The following EIF2S1 variants were observed in gnomAD, a reference collection of about 807,000 sequenced individuals.
EIF2S1 encodes the protein eukaryotic translation initiation factor 2 subunit alpha.
A neutral mutation model predicts 33.5 loss-of-function variants in EIF2S1; 5 were observed. The observed-to-expected ratio is 0.15, with a 90% CI of 0.08 to 0.31. The LOEUF (loss-of-function observed/expected upper bound fraction) is 0.31. Among genes scored for constraint, EIF2S1 ranks in the 10% least tolerant of loss-of-function variants. EIF2S1 has a pLI of 1.00. For synonymous variants in EIF2S1, 99 were observed against 127.5 expected (o/e 0.78, Z 1.51); for missense variants, 191 against 384.6 (o/e 0.50, Z 4.21).
Position 67,363,504 on chromosome 14 carries a change from T to G in EIF2S1, c.-1-1263T>G, listed in dbSNP as rs1260947327. On this transcript the variant is annotated intron_variant, in intron 1 of 7. Transcript: ENST00000256383. ...AATTATAATATATTTATGAATAGTTTTGAGAGAATATAGTCTTACTGATAA... is the reference window on the plus strand; with the variant it reads ...AATTATAATATATTTATGAATAGTTGTGAGAGAATATAGTCTTACTGATAA... 3.3e-5 allele frequency among the ~76,000 whole-genome samples: 5 copies of G among 152,176 alleles called. No individual in the cohort carries two copies. The East Asian group carries it at 9.6e-4, about 29-fold the overall frequency.
At chr14:67,378,715 C>G (rs1360944767) in intron 4 of EIF2S1, among the ~76,000 whole-genome samples, 1 of 152,222 alleles carries the variant, frequency 6.6e-6, no homozygotes, top group Non-Finnish European at 1.5e-5. Flanking sequence ...GTGTGTTATT[C>G]CCTTTTCCTT....
intron 2 of EIF2S1, among the ~76,000 whole-genome samples, chr14:67,371,458 G>A (rs1387936634): frequency 1.3e-5 from 2 of 151,654 alleles, no homozygotes; most frequent in Non-Finnish European, 2.9e-5. Flanking sequence ...GAACACTTTC[G>A]AAATACAGTC....
chr14:67,383,622 A>C lies in EIF2S1; in HGVS notation c.*182A>C. On this transcript the variant is annotated 3_prime_UTR_variant, in exon 8 of 8. Coordinates refer to ENST00000256383, the MANE Select transcript of EIF2S1 (RefSeq NM_004094.5). ...CCTCCTAAATGTCAGCTGTTGTCAC[A>C]CAGTAGCTCCAACACTTTGAGCATT... 1 of 776,046 alleles carries C rather than the reference A, an allele frequency of 1.3e-6. No homozygotes were observed. Among genetic ancestry groups the C allele is most frequent in the Non-Finnish European group, 2.0e-6 (1 of 494,674 alleles). 48.1% of individuals were successfully genotyped at this position (776,046 alleles called of 1,614,324 possible).
chr14:67,385,059 T>C lies in EIF2S1; in HGVS notation c.*1619T>C, dbSNP rs1195388024. On this transcript the variant is annotated 3_prime_UTR_variant, in exon 8 of 8. Transcript: ENST00000256383. ...TACTGGTGGCGTCGATGGTGAGTGA[T>C]TTTTATCCCACGTGGGCCTTTTGCT... The C allele has an allele frequency of 6.6e-6, 1 of 152,096 alleles. No individual in the cohort carries two copies. The highest frequency in any genetic ancestry group is 1.5e-5 in the Non-Finnish European group (1 of 68,004). The allele number at this position is 152,096 out of a possible 1,614,324, so 9.4% of individuals were successfully genotyped here. A position where few individuals can be genotyped will look rare whatever the true frequency, so the allele number is the denominator to read the frequency against.
chr14:67,370,150 C>T (rs1374731861), intron 2 of EIF2S1, among the ~76,000 whole-genome samples: 1 of 152,242 alleles, frequency 6.6e-6, no homozygotes, highest in Non-Finnish European at 1.5e-5. Context: ...CTTAAGAATG[C>T]CTTTAAGCAG....
In EIF2S1 at chr14:67,382,083, G is replaced by A. The variant is rs1208595460; in HGVS notation, c.679-364G>A. ...TAGTGATAAAATTAACTGGATGGCT[G>A]TAACTCAGAAGGATTCTTCCATCAG... On this transcript the variant is annotated intron_variant, in intron 6 of 7. Transcript: ENST00000256383. 3.9e-5 allele frequency among the ~76,000 whole-genome samples: 6 copies of A among 152,144 alleles called. 1 individual carries two copies. The highest frequency in any genetic ancestry group is 3.9e-4 in the Admixed American group (6 of 15,292).
At chr14:67,375,122 A>G (rs1231423625) in intron 3 of EIF2S1, among the ~76,000 whole-genome samples, 5 of 152,128 alleles carry the variant, frequency 3.3e-5, no homozygotes, top group African/African-American at 9.7e-5. Context: ...CCTGCTTGTC[A>G]TCCACAGTAA....
At chr14:67,375,790 AGACT>A (rs2085854765) in intron 3 of EIF2S1, among the ~76,000 whole-genome samples, 1 of 152,206 alleles carries the variant, frequency 6.6e-6, no homozygotes, top group South Asian at 2.1e-4. Context: ...TTAGAAATAC[AGACT>A]CTCAGGTCCT....
intron 3 of EIF2S1, among the ~76,000 whole-genome samples, chr14:67,375,399 G>A (rs2085852162): frequency 6.6e-6 from 1 of 152,118 alleles, no homozygotes; most frequent in Non-Finnish European, 1.5e-5. Context: ...TGAGATTACA[G>A]GCGTAAGCCA....
chr14:67,366,791 A>G (rs1004122934), intron 2 of EIF2S1, among the ~76,000 whole-genome samples: 2 of 151,354 alleles, frequency 1.3e-5, no homozygotes, highest in Non-Finnish European at 2.9e-5. Context: ...AAGCAGCCAA[A>G]AGCAGGCCAA....
At chr14:67,383,009 T>C (rs1222955744) in intron 7 of EIF2S1, among the ~76,000 whole-genome samples, 1 of 152,120 alleles carries the variant, frequency 6.6e-6, no homozygotes, top group Non-Finnish European at 1.5e-5. Context: ...TAACAGGATA[T>C]CTATTTGTGG....
At chr14:67,380,202 CTTAGGAGGGTCAG>C (rs2085880579) in intron 4 of EIF2S1, among the ~76,000 whole-genome samples, 2 of 152,220 alleles carry the variant, frequency 1.3e-5, no homozygotes, top group African/African-American at 4.8e-5. Context: ...TCCTGTGGCA[CTTAGGAGGGTCAG>C]ATGAAATGCT....
chr14:67,378,860 C>T (rs1179540316), intron 4 of EIF2S1, among the ~76,000 whole-genome samples: 1 of 152,200 alleles, frequency 6.6e-6, no homozygotes, highest in Non-Finnish European at 1.5e-5. Context: ...GACCTATTTT[C>T]CTCACTTATC....
chr14:67,368,367 G>C (rs997645378), intron 2 of EIF2S1, among the ~76,000 whole-genome samples: 64 of 152,134 alleles, frequency 4.2e-4, no homozygotes, highest in Non-Finnish European at 6.3e-4. Context: ...GCATAAGAAA[G>C]GCATGCTACC....
rs954633345 is a variant in EIF2S1 at position 67,386,274 on chromosome 14, G to A, written c.*2834G>A. 5.2e-5 allele frequency: 8 copies of A among 152,634 alleles called. No homozygotes were observed. The highest frequency in any genetic ancestry group is 1.7e-4 in the African/African-American group (7 of 41,458). 9.5% of individuals were successfully genotyped at this position (152,634 alleles called of 1,614,324 possible). ...TAAGGAATAAGTAAAACATTAGCTT[G>A]TGATTTCTCATTATTCAGGTCAATG... On this transcript the variant is annotated 3_prime_UTR_variant, in exon 8 of 8. Transcript: ENST00000256383.
In EIF2S1 at chr14:67,386,011, A is replaced by T. The variant is rs1032886193; in HGVS notation, c.*2571A>T. 1 of 152,102 alleles carries T rather than the reference A, an allele frequency of 6.6e-6. No individual in the cohort carries two copies. The highest frequency in any genetic ancestry group is 1.5e-5 in the Non-Finnish European group (1 of 68,008). 9.4% of individuals were successfully genotyped at this position (152,102 alleles called of 1,614,324 possible). A position where few individuals can be genotyped will look rare whatever the true frequency, so the allele number is the denominator to read the frequency against. On this transcript the variant is annotated 3_prime_UTR_variant, in exon 8 of 8. Coordinates refer to ENST00000256383, the MANE Select transcript of EIF2S1 (RefSeq NM_004094.5). ...GAGACTTGTTCACTGATTTGCCCCA[A>T]CCCCAAGGTAATGGTCATCTACTTT...
At chr14:67,380,880 A>G (rs2085884382) in intron 5 of EIF2S1, 115 bp downstream of exon 5, 3 of 506,524 alleles carry the variant, frequency 5.9e-6, no homozygotes, top group Non-Finnish European at 6.6e-6. Flanking sequence ...ATTTTTCTAA[A>G]TGGTTGTTTT....
At chr14:67,375,280 G>A (rs2085851023) in intron 3 of EIF2S1, among the ~76,000 whole-genome samples, 2 of 133,190 alleles carry the variant, frequency 1.5e-5, no homozygotes, top group African/African-American at 5.5e-5. Flanking sequence ...GTGTGTGTGT[G>A]TGTCACAAAG....
chr14:67,373,375 G>T (rs570927393), intron 2 of EIF2S1, among the ~76,000 whole-genome samples: 1 of 152,106 alleles, frequency 6.6e-6, no homozygotes, highest in Non-Finnish European at 1.5e-5. Flanking sequence ...AATAAAATCA[G>T]TGTATATGAA....
Sources: allele counts gnomAD v4.1 joint callset (sites outside exome capture counted in the v4.1 genomes callset), GRCh38; gene constraint gnomAD v4.1.1; transcripts MANE v1.5; gene names NCBI Gene and HGNC (gene_info 2026-07-23, HGNC 2026-07-21).